Variants in CA10 observed in about 807,000 individuals in gnomAD.
CA10 encodes carbonic anhydrase-related protein 10.
A neutral mutation model predicts 44.2 loss-of-function variants in CA10; 14 were observed. The ratio of observed to expected loss-of-function variants is 0.32; its 90% CI spans 0.21 to 0.50. The LOEUF (loss-of-function observed/expected upper bound fraction) is 0.50. CA10 is among the 20% of genes least tolerant of loss of function. The probability of loss-of-function intolerance (pLI) is 0.99; values close to 1 mark genes in which losing one functional copy is unlikely to be tolerated. For missense variants in CA10, 350 were observed against 409.7 expected (o/e 0.85, Z 1.26); for synonymous variants, 159 against 141.6 (o/e 1.12, Z -0.87).
chr17:51,854,243 G>T (rs1340919514), intron 3 of CA10, among the ~76,000 whole-genome samples: 2 of 152,136 alleles, frequency 1.3e-5, no homozygotes, highest in South Asian at 4.1e-4. Context: ...CAAGTCAATA[G>T]GTTCACAGGG....
intron 1 of CA10, among the ~76,000 whole-genome samples, chr17:52,113,729 AG>A (rs1235307135): frequency 1.3e-5 from 2 of 152,246 alleles, no homozygotes; most frequent in Non-Finnish European, 2.9e-5. Context: ...TACTGAAGGA[AG>A]ATAAAAACAC....
At chr17:52,013,886 C>A (rs910520890) in intron 2 of CA10, among the ~76,000 whole-genome samples, 3 of 151,880 alleles carry the variant, frequency 2.0e-5, no homozygotes, top group Non-Finnish European at 4.4e-5. Flanking sequence ...ATTCATGGAG[C>A]GCTTACTGTG....
intron 4 of CA10, among the ~76,000 whole-genome samples, chr17:51,713,986 A>G (rs903382440): frequency 6.6e-6 from 1 of 152,338 alleles, no homozygotes; most frequent in East Asian, 1.9e-4. Context: ...CCTTAAATTA[A>G]CTAGAGTGGC....
chr17:51,947,584 G>T (rs1409322587), intron 2 of CA10, among the ~76,000 whole-genome samples: 1 of 152,190 alleles, frequency 6.6e-6, no homozygotes, highest in Non-Finnish European at 1.5e-5. Flanking sequence ...CAGAGGTCCT[G>T]TTGGAGCTAG....
chr17:51,916,492 G>C (rs1431332589), intron 3 of CA10, among the ~76,000 whole-genome samples: 2 of 152,142 alleles, frequency 1.3e-5, no homozygotes, highest in Admixed American at 6.5e-5. Context: ...TGGTATTCTT[G>C]TGAGAGTAAG....
intron 2 of CA10, among the ~76,000 whole-genome samples, chr17:52,068,180 A>G (rs1358208935): frequency 6.6e-6 from 1 of 152,178 alleles, no homozygotes; most frequent in Non-Finnish European, 1.5e-5. Flanking sequence ...AGGTGAAGTA[A>G]TTGGATCTTG....
intron 2 of CA10, among the ~76,000 whole-genome samples, chr17:52,068,485 A>G (rs1054587300): frequency 2.0e-5 from 3 of 152,218 alleles, no homozygotes; most frequent in African/African-American, 7.2e-5. Flanking sequence ...GCTGTCAAGT[A>G]TTCCTCACAT....
intron 3 of CA10, among the ~76,000 whole-genome samples, chr17:51,858,189 T>A (rs1839546796): frequency 2.6e-5 from 4 of 152,184 alleles, no homozygotes; most frequent in Admixed American, 1.3e-4. Context: ...CCACTTGTAG[T>A]TTTCTTTGGA....
At chr17:51,694,902 A>G (rs1450554845) in intron 4 of CA10, among the ~76,000 whole-genome samples, 1 of 152,178 alleles carries the variant, frequency 6.6e-6, no homozygotes, top group Non-Finnish European at 1.5e-5. Flanking sequence ...AGCACCATTT[A>G]TTGAATAGGA....
chr17:52,010,537 A>G (rs957533316), intron 2 of CA10, among the ~76,000 whole-genome samples: 1 of 151,942 alleles, frequency 6.6e-6, no homozygotes, highest in Non-Finnish European at 1.5e-5. Context: ...AAAACCAAAC[A>G]TAGTATGTTC....
chr17:52,001,436 A>T (rs1985422401), intron 2 of CA10, among the ~76,000 whole-genome samples: 1 of 152,056 alleles, frequency 6.6e-6, no homozygotes, highest in Non-Finnish European at 1.5e-5. Flanking sequence ...GGAGTGAATG[A>T]AAGAAGTAGA....
chr17:51,850,736 G>T (rs1357410529), intron 3 of CA10, among the ~76,000 whole-genome samples: 1 of 152,164 alleles, frequency 6.6e-6, no homozygotes, highest in African/African-American at 2.4e-5. Flanking sequence ...TTAGAACAGC[G>T]CCCAACACTT....
chr17:52,051,107 G>GGGA (rs1987056036), intron 2 of CA10, among the ~76,000 whole-genome samples: 1 of 69,222 alleles, frequency 1.4e-5, no homozygotes. Flanking sequence ...GAGGAAGGAA[G>GGGA]GAAGAAGAAA....
intron 2 of CA10, among the ~76,000 whole-genome samples, chr17:52,048,999 A>G (rs529071495): frequency 7.3e-5 from 11 of 151,670 alleles, no homozygotes; most frequent in African/African-American, 2.6e-4. Context: ...ATATTCTGAA[A>G]GCCTGAAACC....
Position 51,717,821 on chromosome 17 carries a change from ATGTGTGTG to A in CA10, c.465+29804_465+29811del, listed in dbSNP as rs377290070. 6.0e-4 allele frequency among the ~76,000 whole-genome samples: 23 copies of A among 38,088 alleles called. 3 individuals carry two copies. Among genetic ancestry groups the A allele is most frequent in the African/African-American group, 2.8e-3 (23 of 8,226 alleles). The allele number at this position is 38,088 out of a possible 152,430, so 25.0% of individuals were successfully genotyped here. A position where few individuals can be genotyped will look rare whatever the true frequency, so the allele number is the denominator to read the frequency against. On this transcript the variant is annotated intron_variant, in intron 4 of 8. Transcript: ENST00000451037. ...TGTGTATATATATACACGTATATATATGTGTGTGTATATATATATATATATATATATAT... is the reference window on the plus strand; with the variant it reads ...TGTGTATATATATACACGTATATATATATATATATATATATATATATATAT...
At chr17:52,010,833 A>T (rs1453362952) in intron 2 of CA10, among the ~76,000 whole-genome samples, 1 of 151,968 alleles carries the variant, frequency 6.6e-6, no homozygotes, top group Non-Finnish European at 1.5e-5. Context: ...AGAAAAGCTG[A>T]TGTAATCCAA....
chr17:51,632,238 GCT>G (rs1912612235), intron 8 of CA10, among the ~76,000 whole-genome samples: 1 of 151,862 alleles, frequency 6.6e-6, no homozygotes, highest in African/African-American at 2.4e-5. Context: ...TAGACCATAT[GCT>G]CTGTTTGGAT....
intron 4 of CA10, among the ~76,000 whole-genome samples, chr17:51,662,195 A>G (rs560110883): frequency 6.6e-6 from 1 of 152,214 alleles, no homozygotes; most frequent in African/African-American, 2.4e-5. Flanking sequence ...TTACCTTTAT[A>G]TAGTCCTTTA....
intron 3 of CA10, among the ~76,000 whole-genome samples, chr17:51,790,329 C>T (rs1906467785): frequency 6.6e-6 from 1 of 152,138 alleles, no homozygotes; most frequent in African/African-American, 2.4e-5. Flanking sequence ...GAACCTGGCT[C>T]CTGCGTGAAA....
Sources: allele counts gnomAD v4.1 joint callset (sites outside exome capture counted in the v4.1 genomes callset), GRCh38; gene constraint gnomAD v4.1.1; transcripts MANE v1.5; gene names NCBI Gene and HGNC (gene_info 2026-07-23, HGNC 2026-07-21).